Variants in NRG3 observed in about 807,000 individuals in gnomAD.
NRG3 encodes pro-neuregulin-3, membrane-bound isoform.
In NRG3, 31 loss-of-function variants were observed where a neutral mutation model predicts 66.9. The ratio of observed to expected loss-of-function variants is 0.46; its 90% CI spans 0.35 to 0.63. The LOEUF is 0.63. Ranked by LOEUF, NRG3 falls within the 20% of genes least tolerant of loss-of-function variation. The probability of loss-of-function intolerance (pLI) is 0.00; values close to 1 mark genes in which losing one functional copy is unlikely to be tolerated. For missense variants in NRG3, 910 were observed against 878.9 expected, an observed-to-expected ratio of 1.04 and a Z score of -0.45; for synonymous variants, 393 against 359.4, an observed-to-expected ratio of 1.09 and a Z score of -1.06.
intron 2 of NRG3, among the ~76,000 whole-genome samples, chr10:82,535,857 A>G (rs1001930959): frequency 1.1e-4 from 16 of 151,934 alleles, no homozygotes; most frequent in African/African-American, 3.4e-4. Flanking sequence ...CCTAAATTAA[A>G]TGTAGTTTGC....
intron 1 of NRG3, among the ~76,000 whole-genome samples, chr10:82,300,257 T>TA (rs1273859875): frequency 6.6e-6 from 1 of 152,156 alleles, no homozygotes; most frequent in Non-Finnish European, 1.5e-5. Context: ...AAATAAAATA[T>TA]AAAATATGTT....
chr10:82,744,485 A>T (rs1490600381), intron 3 of NRG3, among the ~76,000 whole-genome samples: 1 of 152,000 alleles, frequency 6.6e-6, no homozygotes, highest in African/African-American at 2.4e-5. Context: ...ATTCATGAGG[A>T]TTTCTTCTTC....
intron 1 of NRG3, among the ~76,000 whole-genome samples, chr10:82,016,142 G>A (rs1021489098): frequency 1.3e-5 from 2 of 151,880 alleles, no homozygotes; most frequent in Non-Finnish European, 2.9e-5. Flanking sequence ...AAATATGTGG[G>A]CAGTGAACTG....
At chr10:82,251,809 C>G (rs1271246963) in intron 1 of NRG3, among the ~76,000 whole-genome samples, 1 of 152,148 alleles carries the variant, frequency 6.6e-6, no homozygotes. Flanking sequence ...CCAATTAACT[C>G]CAATCACTGC....
chr10:82,443,607 G>A (rs1184764394), intron 2 of NRG3, among the ~76,000 whole-genome samples: 3 of 152,126 alleles, frequency 2.0e-5, no homozygotes, highest in Non-Finnish European at 2.9e-5. Context: ...GACACAGCTA[G>A]GATTAAATCC....
intron 2 of NRG3, among the ~76,000 whole-genome samples, chr10:82,433,531 A>G (rs1040787339): frequency 1.1e-4 from 17 of 151,498 alleles, no homozygotes; most frequent in East Asian, 5.8e-4. Context: ...TGTCATGTCA[A>G]TGTCCTGAAT....
chr10:82,306,168 T>G (rs1426101466), intron 1 of NRG3, among the ~76,000 whole-genome samples: 1 of 152,200 alleles, frequency 6.6e-6, no homozygotes, highest in Non-Finnish European at 1.5e-5. Flanking sequence ...TATTGAACTA[T>G]GCTTGGATTA....
chr10:82,633,241 G>C (rs887319788), intron 2 of NRG3, among the ~76,000 whole-genome samples: 1 of 152,156 alleles, frequency 6.6e-6, no homozygotes, highest in Non-Finnish European at 1.5e-5. Context: ...AGTGGCAAGA[G>C]GTGTTGGGAA....
At chr10:81,924,911 C>T (rs375791324) in intron 1 of NRG3, among the ~76,000 whole-genome samples, 2 of 151,592 alleles carry the variant, frequency 1.3e-5, no homozygotes, top group Non-Finnish European at 2.9e-5. Flanking sequence ...ACATATATGA[C>T]ATTTGTATAT....
chr10:82,158,519 C>T (rs2071345071), intron 1 of NRG3, among the ~76,000 whole-genome samples: 1 of 151,560 alleles, frequency 6.6e-6, no homozygotes, highest in African/African-American at 2.4e-5. Flanking sequence ...ATGTTAAAAT[C>T]TCAAGTCTTT....
intron 2 of NRG3, among the ~76,000 whole-genome samples, chr10:82,453,981 A>G (rs887848735): frequency 2.6e-5 from 4 of 152,228 alleles, no homozygotes; most frequent in Non-Finnish European, 5.9e-5. Context: ...ACTGGAACTC[A>G]GGACTGTCTG....
In NRG3 at chr10:81,998,075, C is replaced by T. The variant is rs142209952; in HGVS notation, c.823+121912C>T. Among the ~76,000 whole-genome samples, 3 of 152,232 alleles carry T rather than the reference C, an allele frequency of 2.0e-5. No individual in the cohort carries two copies. The East Asian group carries it at 5.8e-4, about 30-fold the overall frequency. On this transcript the variant is annotated intron_variant, in intron 1 of 8. Coordinates refer to ENST00000372141, the MANE Select transcript of NRG3 (RefSeq NM_001010848.4). ...TGGCAAGAACTTCTGGCTTCCTTCC[C>T]TGAAGAGACCAGCTGAAGTTTGAAG...
At chr10:82,444,473 A>C (rs981009377) in intron 2 of NRG3, among the ~76,000 whole-genome samples, 3 of 152,200 alleles carry the variant, frequency 2.0e-5, no homozygotes, top group Admixed American at 2.0e-4. Flanking sequence ...TTCTATACAC[A>C]GAATGAGACA....
rs566757831 is a variant in NRG3, at chr10:82,870,524, T to C, written c.1054+5087T>C. ...GAAACTGCCGAACTGAATTCCAAGG[T>C]GGCTGTGCCATTTTGCATTCCCACC... On this transcript the variant is annotated intron_variant, in intron 4 of 8. Coordinates refer to ENST00000372141, the MANE Select transcript of NRG3 (RefSeq NM_001010848.4). Among the ~76,000 whole-genome samples, 9 of 152,312 alleles carry C rather than the reference T, an allele frequency of 5.9e-5. No homozygotes were observed. In the East Asian group the frequency reaches 1.7e-3, roughly 29 times the overall value.
chr10:82,959,795 T>G (rs1393931611), intron 6 of NRG3, among the ~76,000 whole-genome samples: 3 of 152,214 alleles, frequency 2.0e-5, no homozygotes, highest in Non-Finnish European at 2.9e-5. Flanking sequence ...GAACTTGAAG[T>G]TAAATGCAAA....
rs186896513 is a variant in NRG3 at position 82,922,132 on chromosome 10, G to A, written c.1055-29337G>A. ...CTCTCTATATATATAGAGACTGGGG[G>A]GAAGAGAACCGGAAGAGGATGTATA... On this transcript the variant is annotated intron_variant, in intron 4 of 8. Coordinates refer to ENST00000372141, the MANE Select transcript of NRG3 (RefSeq NM_001010848.4). Among the ~76,000 whole-genome samples, 15 of 151,846 alleles carry A rather than the reference G, an allele frequency of 9.9e-5. 1 individual carries two copies. The highest frequency in any genetic ancestry group is 9.8e-4 in the Admixed American group (15 of 15,238).
chr10:82,553,662 C>T (rs1184263798), intron 2 of NRG3, among the ~76,000 whole-genome samples: 1 of 152,090 alleles, frequency 6.6e-6, no homozygotes, highest in Non-Finnish European at 1.5e-5. Context: ...GTTATATATG[C>T]TGGGAGCTGG....
At chr10:82,099,172 C>T (rs184795855) in intron 1 of NRG3, among the ~76,000 whole-genome samples, 49 of 152,214 alleles carry the variant, frequency 3.2e-4, no homozygotes, top group Admixed American at 2.2e-3. Context: ...CTTTGCCTAA[C>T]TTACTGTAGG....
chr10:82,477,338 G>T (rs895445905), intron 2 of NRG3, among the ~76,000 whole-genome samples: 1 of 152,140 alleles, frequency 6.6e-6, no homozygotes, highest in Non-Finnish European at 1.5e-5. Flanking sequence ...AGTGAGATGA[G>T]AAATAGGTTT....
Sources: allele counts gnomAD v4.1 joint callset (sites outside exome capture counted in the v4.1 genomes callset), GRCh38; gene constraint gnomAD v4.1.1; transcripts MANE v1.5; gene names NCBI Gene and HGNC (gene_info 2026-07-23, HGNC 2026-07-21).